The following CA8 variants were observed in gnomAD, a reference collection of about 807,000 sequenced individuals.
CA8 encodes the protein carbonic anhydrase-related protein.
CA8 carries 22 observed loss-of-function variants against 41.4 expected under a neutral mutation model. That is an observed-to-expected ratio of 0.53 (90% CI 0.38 to 0.76). CA8 has a LOEUF of 0.76. CA8 is among the 30% of genes least tolerant of loss of function. The pLI is 0.00. For missense variants in CA8, 270 were observed against 352.8 expected (o/e 0.77, Z 1.88); for synonymous variants, 121 against 130.6 (o/e 0.93, Z 0.50).
chr8:60,221,609 G>T (rs931676738), intron 7 of CA8, among the ~76,000 whole-genome samples: 1 of 152,152 alleles, frequency 6.6e-6, no homozygotes. Flanking sequence ...AGAACAAATA[G>T]ATGAATGACT....
At chr8:60,265,788 A>AAT (rs1803883118) in intron 3 of CA8, 137 bp downstream of exon 3, 1 of 965,086 alleles carries the variant, frequency 1.0e-6, no homozygotes, top group African/African-American at 1.6e-5. Context: ...CATTGCATTA[A>AAT]GCATTTTTTA....
chr8:60,200,790 G>A (rs1806402207), intron 8 of CA8, among the ~76,000 whole-genome samples: 2 of 152,162 alleles, frequency 1.3e-5, no homozygotes, highest in Admixed American at 6.5e-5. Flanking sequence ...TGTGGATTCA[G>A]AATCCTTCTC....
intron 4 of CA8, among the ~76,000 whole-genome samples, chr8:60,227,668 T>G (rs1807488500): frequency 6.6e-6 from 1 of 152,178 alleles, no homozygotes; most frequent in South Asian, 2.1e-4. Flanking sequence ...TATATTAACT[T>G]AGAAAAGCAG....
intron 3 of CA8, among the ~76,000 whole-genome samples, chr8:60,241,500 C>A (rs1808026628): frequency 6.6e-6 from 1 of 152,196 alleles, no homozygotes; most frequent in Non-Finnish European, 1.5e-5. Flanking sequence ...TCTTTAAATG[C>A]TGACTGATTT....
chr8:60,186,580 A>G lies in CA8; in HGVS notation c.*3441T>C, dbSNP rs935870264. ...ATATAAACAATAACATTAAGTGCAAATGGGTTAAATAATCCAACCAAAAGG... is the reference window on the plus strand; with the variant it reads ...ATATAAACAATAACATTAAGTGCAAGTGGGTTAAATAATCCAACCAAAAGG... On this transcript the variant is annotated 3_prime_UTR_variant, in exon 9 of 9. Coordinates refer to ENST00000317995, the MANE Select transcript of CA8 (RefSeq NM_004056.6). Among the ~76,000 whole-genome samples the G allele has an allele frequency of 2.6e-5, 4 of 151,906 alleles. No homozygotes were observed. Among genetic ancestry groups the G allele is most frequent in the African/African-American group, 9.7e-5 (4 of 41,450 alleles).
chr8:60,252,577 T>G (rs1471715690), intron 3 of CA8, among the ~76,000 whole-genome samples: 1 of 152,174 alleles, frequency 6.6e-6, no homozygotes, highest in Non-Finnish European at 1.5e-5. Context: ...ATAGTATAGC[T>G]TCAAACATTT....
intron 3 of CA8, among the ~76,000 whole-genome samples, chr8:60,233,419 A>G (rs1303452512): frequency 6.6e-6 from 1 of 152,132 alleles, no homozygotes; most frequent in Non-Finnish European, 1.5e-5. Flanking sequence ...CACTAGGGGG[A>G]GCTAATGAAG....
intron 3 of CA8, among the ~76,000 whole-genome samples, chr8:60,247,051 T>A (rs1042987100): frequency 6.6e-6 from 1 of 151,774 alleles, no homozygotes; most frequent in Non-Finnish European, 1.5e-5. Context: ...ACCCAGCTAA[T>A]TTTTTGTATT....
At chr8:60,236,401 A>G (rs1807831599) in intron 3 of CA8, among the ~76,000 whole-genome samples, 1 of 151,990 alleles carries the variant, frequency 6.6e-6, no homozygotes, top group Non-Finnish European at 1.5e-5. Context: ...TTAAATCCCA[A>G]TCTCTTCTTT....
At chr8:60,253,375 T>C (rs1051626378) in intron 3 of CA8, among the ~76,000 whole-genome samples, 1 of 152,210 alleles carries the variant, frequency 6.6e-6, no homozygotes, top group Non-Finnish European at 1.5e-5. Context: ...GTACCACGAT[T>C]ATTCCAATAA....
Position 60,281,037 on chromosome 8 carries a change from C to G in CA8, c.100+11G>C. Reference sequence around the variant, plus strand: ...GCGGGACCCCGGACACCCCGACTCGCGGCCACTTACCTTCCTCGTAGCCCC... The same window carrying G: ...GCGGGACCCCGGACACCCCGACTCGGGGCCACTTACCTTCCTCGTAGCCCC... On this transcript the variant is annotated intron_variant, in intron 1 of 8. Coordinates refer to ENST00000317995, the MANE Select transcript of CA8 (RefSeq NM_004056.6). 6.3e-7 allele frequency: 1 copy of G among 1,597,382 alleles called. No individual in the cohort carries two copies. Among genetic ancestry groups the G allele is most frequent in the Non-Finnish European group, 8.6e-7 (1 of 1,167,604 alleles).
intron 2 of CA8, among the ~76,000 whole-genome samples, chr8:60,274,482 T>A (rs1264176933): frequency 6.6e-6 from 1 of 152,180 alleles, no homozygotes; most frequent in East Asian, 1.9e-4. Flanking sequence ...AGAACCCAGA[T>A]GCTATGGTTT....
Position 60,214,355 on chromosome 8 carries a change from A to G in CA8, c.739-5436T>C, listed in dbSNP as rs1356601893. 2.0e-5 allele frequency among the ~76,000 whole-genome samples: 3 copies of G among 152,138 alleles called. No individual in the cohort carries two copies. In the East Asian group the frequency reaches 5.8e-4, roughly 29 times the overall value. ...CAAGGGAAGGACCCTCATGGCCTAA[A>G]CACCTCTTAAAGGTCCCATGTCTTA... On this transcript the variant is annotated intron_variant, in intron 7 of 8. Transcript: ENST00000317995.
At chr8:60,280,021 A>T in intron 1 of CA8, 141 bp from the exon 2 acceptor site, 2 of 647,552 alleles carry the variant, frequency 3.1e-6, no homozygotes, top group Non-Finnish European at 2.5e-6. Context: ...AAATATGGTA[A>T]TTCTATTTGT....
chr8:60,271,459 T>C (rs1261713312), intron 2 of CA8, among the ~76,000 whole-genome samples: 3 of 152,254 alleles, frequency 2.0e-5, no homozygotes, highest in African/African-American at 7.2e-5. Context: ...TAAGATATTT[T>C]TGACAATTTC....
At position 60,280,919 on chromosome 8, in the gene CA8, G is replaced by C. The variant is rs116144151; in HGVS notation, c.100+129C>G. On this transcript the variant is annotated intron_variant, in intron 1 of 8. Coordinates refer to ENST00000317995, the MANE Select transcript of CA8 (RefSeq NM_004056.6). ...ACCAGGGGAGTGGGAAAGTGGCAGA[G>C]ACCCCCGTGGGAAAGAGGGGGCGTG... 1.8e-3 allele frequency: 1,266 copies of C among 719,524 alleles called. 9 individuals are homozygous for C. The highest frequency in any genetic ancestry group is 0.016 in the African/African-American group (899 of 57,084). The allele number at this position is 719,524 out of a possible 1,614,324, so 44.6% of individuals were successfully genotyped here.
At chr8:60,214,105 C>T (rs1372593451) in intron 7 of CA8, among the ~76,000 whole-genome samples, 1 of 152,148 alleles carries the variant, frequency 6.6e-6, no homozygotes, top group Non-Finnish European at 1.5e-5. Flanking sequence ...TGGCTGTCTT[C>T]GTCTGTTTTG....
intron 2 of CA8, 24 bp downstream of exon 2, chr8:60,279,665 A>C (rs1804345373): frequency 6.2e-7 from 1 of 1,601,830 alleles, no homozygotes; most frequent in Non-Finnish European, 8.6e-7. Context: ...TTAAAAGACC[A>C]CACAAACATA....
intron 3 of CA8, among the ~76,000 whole-genome samples, chr8:60,250,902 T>C (rs1808418534): frequency 6.6e-6 from 1 of 152,186 alleles, no homozygotes; most frequent in Non-Finnish European, 1.5e-5. Flanking sequence ...CCTACCATTC[T>C]AAATTTATCT....
Sources: gnomAD v4.1 joint callset for allele counts (sites outside exome capture counted in the v4.1 genomes callset) on GRCh38, gnomAD v4.1.1 for gene constraint, MANE v1.5 for transcripts, NCBI Gene and HGNC (gene_info 2026-07-23, HGNC 2026-07-21) for gene names.